LRRC42: variants seen among roughly 807,000 people sequenced by gnomAD.
The protein encoded by LRRC42 is leucine-rich repeat-containing protein 42.
A neutral mutation model predicts 44.3 loss-of-function variants in LRRC42; 43 were observed. That is an observed-to-expected ratio of 0.97 (90% CI 0.76 to 1.25). LRRC42 has a LOEUF of 1.25. Ranked by LOEUF, LRRC42 falls within the 50% of genes most tolerant of loss-of-function variation. LRRC42 has a pLI of 0.00. For synonymous variants in LRRC42, 207 were observed against 195.2 expected (o/e 1.06, Z -0.50); for missense variants, 540 against 509.1 (o/e 1.06, Z -0.58).
chr1:53,964,772 A>G (rs1410126574), intron 7 of LRRC42, among the ~76,000 whole-genome samples: 1 of 152,178 alleles, frequency 6.6e-6, no homozygotes, highest in African/African-American at 2.4e-5. Context: ...ATCCTTACAG[A>G]TGAAGAAATT....
intron 4 of LRRC42, among the ~76,000 whole-genome samples, chr1:53,958,955 G>T (rs1033593043): frequency 1.1e-4 from 16 of 151,594 alleles, no homozygotes; most frequent in Non-Finnish European, 1.3e-4. Flanking sequence ...GCGTGATCTT[G>T]GCCCACTGCA....
chr1:53,952,169 T>C lies in LRRC42; in HGVS notation c.170T>C (p.Met57Thr). ...AAAGGCTTTTCTGTGGAGCTTTGCA[T>C]GAACAGGGAAGACGACACTGCACGG... ...FPKGFSVELC[M>T]NREDDTARKE... Residue 57 changes from methionine (M) to threonine (T), a missense_variant, in exon 3 of 9, where the codon ATG becomes ACG. By Grantham distance (81) the Met-to-Thr change is moderately conservative. Transcript: ENST00000371370. The C allele has an allele frequency of 6.2e-7, 1 of 1,614,160 alleles. No homozygotes were observed. The highest frequency in any genetic ancestry group is 1.1e-5 in the South Asian group (1 of 91,086).
Position 53,946,377 on chromosome 1 carries a change from G to GCGGTCCCA in LRRC42, c.-217_-210dup, listed in dbSNP as rs1654449660. The stretch of plus-strand genomic sequence containing the variant: ...CCTTGCTCCCGCCCCCGCCGGTCCC[G>GCGGTCCCA]CGGTCCCACGGCGCCTGGTTGCCCC... On this transcript the variant is annotated 5_prime_UTR_variant, in exon 1 of 9. Transcript: ENST00000371370. The GCGGTCCCA allele has an allele frequency of 6.6e-6, 1 of 151,968 alleles. No homozygotes were observed. Among genetic ancestry groups the GCGGTCCCA allele is most frequent in the African/African-American group, 2.4e-5 (1 of 41,336 alleles). The allele number at this position is 151,968 out of a possible 1,614,324, so 9.4% of individuals were successfully genotyped here.
chr1:53,960,455 A>C lies in LRRC42; in HGVS notation c.705A>C (p.Leu235=). The C allele has an allele frequency of 6.2e-7, 1 of 1,610,314 alleles. No homozygotes were observed. The highest frequency in any genetic ancestry group is 2.2e-5 in the East Asian group (1 of 44,852). The change falls in exon 5 of 9, where the codon CTA becomes CTC. Residue 235 remains leucine (L), a synonymous_variant. Transcript: ENST00000371370. ...TGATGAAAAGAGGCCTTGAGAATCT[A>C]ACATTATTAGACTTATCATGTAAGT... ...VRVMKRGLEN[L]TLLDLSCNPE...
chr1:53,962,080 T>C lies in LRRC42; in HGVS notation c.771T>C (p.Phe257=). The change falls in exon 6 of 9, where the codon TTT becomes TTC. Residue 257 remains phenylalanine (F), a synonymous_variant. Transcript: ENST00000371370. Reference sequence around the variant, plus strand: ...CAGGCATTGGATACCTCTTTTCTTTTAGGAAACTAAACTGCTTAGATATCT... The same window carrying C: ...CAGGCATTGGATACCTCTTTTCTTTCAGGAAACTAAACTGCTTAGATATCT... ...TDAGIGYLFS[F]RKLNCLDISG... 1 of 1,614,108 alleles carries C rather than the reference T, an allele frequency of 6.2e-7. No homozygotes were observed. The highest frequency in any genetic ancestry group is 2.2e-5 in the East Asian group (1 of 44,872).
At chr1:53,958,376 T>C in intron 4 of LRRC42, 96 bp downstream of exon 4, 3 of 1,485,150 alleles carry the variant, frequency 2.0e-6, no homozygotes, top group Non-Finnish European at 2.8e-6. Flanking sequence ...TTACTTCCCA[T>C]TCTTATGTTG....
At chr1:53,954,528 A>G (rs1193764849) in intron 3 of LRRC42, among the ~76,000 whole-genome samples, 1 of 152,260 alleles carries the variant, frequency 6.6e-6, no homozygotes, top group Non-Finnish European at 1.5e-5. Flanking sequence ...AATTAGCAAT[A>G]CATGCTATTT....
chr1:53,964,980 C>G (rs1655088230), intron 7 of LRRC42, among the ~76,000 whole-genome samples: 1 of 151,502 alleles, frequency 6.6e-6, no homozygotes, highest in East Asian at 1.9e-4. Context: ...GCCACTGTGC[C>G]TGGCCTGGAA....
intron 2 of LRRC42, among the ~76,000 whole-genome samples, chr1:53,951,654 AC>A (rs1198213836): frequency 6.6e-6 from 1 of 152,084 alleles, no homozygotes; most frequent in African/African-American, 2.4e-5. Context: ...CGAACTCCTG[AC>A]CTCAGGTGAT....
intron 2 of LRRC42, among the ~76,000 whole-genome samples, chr1:53,948,886 A>G (rs1227923225): frequency 6.6e-6 from 1 of 152,238 alleles, no homozygotes; most frequent in Non-Finnish European, 1.5e-5. Flanking sequence ...CATACCTCAT[A>G]GACTCAGGAA....
rs866949716 is a variant in LRRC42, at chr1:53,950,314, A to T, written c.-14-1672A>T. Among the ~76,000 whole-genome samples, 3 of 152,362 alleles carry T rather than the reference A, an allele frequency of 2.0e-5. 1 individual carries two copies. The highest frequency in any genetic ancestry group is 6.8e-3 in the Middle Eastern group (2 of 294). Reference sequence around the variant, plus strand: ...ATGGCCAGTTTACCTGGGTAGTATGACAGGGCCAAAGAGTAGGACATAAGG... The same window carrying T: ...ATGGCCAGTTTACCTGGGTAGTATGTCAGGGCCAAAGAGTAGGACATAAGG... On this transcript the variant is annotated intron_variant, in intron 2 of 8. Transcript: ENST00000371370.
chr1:53,962,027 C>T lies in LRRC42; in HGVS notation c.725-7C>T, dbSNP rs755812731. 3.1e-6 allele frequency: 5 copies of T among 1,601,666 alleles called. No individual in the cohort carries two copies. The highest frequency in any genetic ancestry group is 4.3e-6 in the Non-Finnish European group (5 of 1,171,442). ...TGACAGAATGCTACGTTGTTTTTGA[C>T]ATCTAGGTAACCCTGAGATCACAGA... On this transcript the variant is annotated splice_region_variant and splice_polypyrimidine_tract_variant and intron_variant, in intron 5 of 8. Transcript: ENST00000371370.
chr1:53,965,557 G>A (rs1655108415), intron 7 of LRRC42, among the ~76,000 whole-genome samples: 1 of 149,166 alleles, frequency 6.7e-6, no homozygotes, highest in African/African-American at 2.5e-5. Flanking sequence ...TCAGCTCACT[G>A]CAAGCTCTGC....
intron 3 of LRRC42, among the ~76,000 whole-genome samples, chr1:53,957,215 A>G (rs1371498649): frequency 6.6e-6 from 1 of 152,200 alleles, no homozygotes; most frequent in Non-Finnish European, 1.5e-5. Context: ...GTGTAACCCC[A>G]CTGATCCTAA....
intron 2 of LRRC42, among the ~76,000 whole-genome samples, chr1:53,948,166 T>A (rs1654576358): frequency 6.6e-6 from 1 of 152,192 alleles, no homozygotes; most frequent in African/African-American, 2.4e-5. Flanking sequence ...CTGCTACAAC[T>A]TGTTATTCTT....
intron 3 of LRRC42, among the ~76,000 whole-genome samples, chr1:53,955,813 A>G (rs1433891922): frequency 3.3e-5 from 5 of 151,588 alleles, no homozygotes; most frequent in African/African-American, 1.2e-4. Context: ...TATTTTTAGT[A>G]GAGATGGGGT....
chr1:53,950,088 A>G (rs1654628903), intron 2 of LRRC42, among the ~76,000 whole-genome samples: 2 of 152,254 alleles, frequency 1.3e-5, no homozygotes, highest in African/African-American at 4.8e-5. Flanking sequence ...CAGACATAGT[A>G]CATGGTCCTA....
intron 3 of LRRC42, among the ~76,000 whole-genome samples, chr1:53,955,652 G>A (rs1418194813): frequency 7.4e-6 from 1 of 135,078 alleles, no homozygotes; most frequent in Non-Finnish European, 1.6e-5. Flanking sequence ...TTTTTGAGAC[G>A]GAGTCTCGCT....
At position 53,961,368 on chromosome 1, in the gene LRRC42, C is replaced by T. The variant is rs115354520; in HGVS notation, c.725-666C>T. ...GGAGCTTGCAAGTGAGCCAAGATTG[C>T]GTCACTCACTCCAGCCTGGGTGACA... On this transcript the variant is annotated intron_variant, in intron 5 of 8. Transcript: ENST00000371370. Among the ~76,000 whole-genome samples, 1,422 of 151,736 alleles carry T rather than the reference C, an allele frequency of 9.4e-3. 28 individuals are homozygous for T. The highest frequency in any genetic ancestry group is 0.033 in the African/African-American group (1,354 of 41,332).
Sources: allele counts gnomAD v4.1 joint callset (sites outside exome capture counted in the v4.1 genomes callset), GRCh38; gene constraint gnomAD v4.1.1; transcripts MANE v1.5; gene names NCBI Gene and HGNC (gene_info 2026-07-23, HGNC 2026-07-21).